CEP112: variants seen among roughly 807,000 people sequenced by gnomAD.
CEP112 encodes centrosomal protein of 112 kDa.
CEP112 carries 127 observed loss-of-function variants against 153.0 expected under a neutral mutation model. The observed-to-expected ratio is 0.83, with a 90% CI of 0.72 to 0.96. CEP112 has a LOEUF of 0.96. Among genes scored for constraint, CEP112 ranks in the 40% least tolerant of loss-of-function variants. CEP112 has a pLI of 0.00. For synonymous variants in CEP112, 358 were observed against 374.4 expected (o/e 0.96, Z 0.51); for missense variants, 1,089 against 1,101.2 (o/e 0.99, Z 0.16).
intron 18 of CEP112, among the ~76,000 whole-genome samples, chr17:65,954,796 C>A (rs1030484879): frequency 2.0e-5 from 3 of 151,906 alleles, no homozygotes; most frequent in Non-Finnish European, 4.4e-5. Context: ...TCAAATTAAC[C>A]CAATCCATCA....
intron 17 of CEP112, among the ~76,000 whole-genome samples, chr17:65,998,288 TG>T (rs1404754322): frequency 3.7e-5 from 5 of 133,758 alleles, no homozygotes; most frequent in Admixed American, 2.6e-4. Context: ...GAAACTGGGG[TG>T]GGAGGATCGC....
At chr17:65,697,536 TA>T (rs1045352182) in intron 23 of CEP112, among the ~76,000 whole-genome samples, 4 of 152,042 alleles carry the variant, frequency 2.6e-5, no homozygotes, top group Non-Finnish European at 4.4e-5. Context: ...TTTACAGACT[TA>T]TTTTTTTTTT....
chr17:65,780,168 T>C (rs571078271), intron 21 of CEP112, among the ~76,000 whole-genome samples: 2 of 152,232 alleles, frequency 1.3e-5, no homozygotes, highest in South Asian at 4.1e-4. Context: ...TCTCTCACTA[T>C]AATTCAGGAC....
intron 17 of CEP112, among the ~76,000 whole-genome samples, chr17:65,991,553 A>G (rs1255571984): frequency 1.3e-5 from 2 of 152,104 alleles, no homozygotes; most frequent in East Asian, 3.8e-4. Flanking sequence ...ATTCTGGTAG[A>G]ATAGTATTTA....
intron 17 of CEP112, among the ~76,000 whole-genome samples, chr17:65,975,146 C>T (rs1454475585): frequency 6.6e-6 from 1 of 152,080 alleles, no homozygotes; most frequent in Non-Finnish European, 1.5e-5. Context: ...CACAAAAGAA[C>T]TCTTAGACTC....
chr17:65,765,305 TG>T (rs1466224355), intron 21 of CEP112, among the ~76,000 whole-genome samples: 1 of 151,480 alleles, frequency 6.6e-6, no homozygotes, highest in Non-Finnish European at 1.5e-5. Flanking sequence ...TTCTTTTCTT[TG>T]GGGTCAGTTA....
chr17:65,818,262 G>A (rs2056370882), intron 21 of CEP112, among the ~76,000 whole-genome samples: 1 of 151,758 alleles, frequency 6.6e-6, no homozygotes, highest in African/African-American at 2.4e-5. Flanking sequence ...CCTCAGGTAG[G>A]CAGCCCTTTA....
chr17:65,905,043 G>A (rs1236841010), intron 19 of CEP112, among the ~76,000 whole-genome samples: 1 of 152,130 alleles, frequency 6.6e-6, no homozygotes, highest in East Asian at 1.9e-4. Flanking sequence ...AGAGGCATGG[G>A]CAAAGACTTC....
intron 6 of CEP112, among the ~76,000 whole-genome samples, chr17:66,101,005 G>C (rs116152398): frequency 6.6e-6 from 1 of 152,078 alleles, no homozygotes; most frequent in Admixed American, 6.6e-5. Context: ...GTTCTGGAAT[G>C]AATCAACTCT....
chr17:65,825,995 A>T, intron 21 of CEP112: 1 of 778,182 alleles, frequency 1.3e-6, no homozygotes, highest in Non-Finnish European at 2.2e-6. Context: ...GTTCAATGTG[A>T]TTGCAGTTTG....
intron 20 of CEP112, among the ~76,000 whole-genome samples, chr17:65,867,995 T>C (rs1038739618): frequency 2.0e-5 from 3 of 151,792 alleles, no homozygotes; most frequent in African/African-American, 7.2e-5. Context: ...ATTTATAACA[T>C]AAAATCGAAG....
At chr17:65,943,781 C>T (rs549853693) in intron 18 of CEP112, among the ~76,000 whole-genome samples, 3 of 152,082 alleles carry the variant, frequency 2.0e-5, no homozygotes, top group Admixed American at 1.3e-4. Context: ...GGTAAGTTCT[C>T]CCGGATGATA....
At chr17:66,039,540 G>T (rs932869826) in intron 12 of CEP112, among the ~76,000 whole-genome samples, 2 of 152,142 alleles carry the variant, frequency 1.3e-5, no homozygotes, top group African/African-American at 2.4e-5. Context: ...CTGGGCAACA[G>T]AGCAAGACTG....
chr17:65,762,315 T>C (rs1046601145), intron 21 of CEP112, among the ~76,000 whole-genome samples: 1 of 152,028 alleles, frequency 6.6e-6, no homozygotes, highest in Non-Finnish European at 1.5e-5. Context: ...TAAACCTATA[T>C]ATGTCTTATA....
chr17:65,730,848 A>T (rs751062250), intron 23 of CEP112, among the ~76,000 whole-genome samples: 1 of 146,984 alleles, frequency 6.8e-6, no homozygotes, highest in African/African-American at 2.5e-5. Flanking sequence ...TGTCTTGTGA[A>T]CTCCAGTCAG....
intron 6 of CEP112, among the ~76,000 whole-genome samples, chr17:66,114,152 GCA>G (rs1292880630): frequency 2.6e-5 from 4 of 152,186 alleles, no homozygotes; most frequent in Non-Finnish European, 5.9e-5. Flanking sequence ...TAACATGTTT[GCA>G]CATTTCTTGC....
At chr17:65,904,822 T>G (rs980267509) in intron 19 of CEP112, among the ~76,000 whole-genome samples, 31 of 152,194 alleles carry the variant, frequency 2.0e-4, no homozygotes, top group Non-Finnish European at 3.2e-4. Context: ...ATCTGATCTT[T>G]GACAAACCTG....
intron 21 of CEP112, among the ~76,000 whole-genome samples, chr17:65,795,357 C>T (rs1419115407): frequency 1.3e-5 from 2 of 152,172 alleles, no homozygotes; most frequent in African/African-American, 2.4e-5. Flanking sequence ...TACAATTCTA[C>T]AGGAGAGGTA....
chr17:65,710,952 C>T (rs2049151750), intron 23 of CEP112, among the ~76,000 whole-genome samples: 1 of 152,162 alleles, frequency 6.6e-6, no homozygotes, highest in Admixed American at 6.5e-5. Context: ...AGACATAAGA[C>T]AAAACACAAA....
Sources: allele counts gnomAD v4.1 joint callset (sites outside exome capture counted in the v4.1 genomes callset), GRCh38; gene constraint gnomAD v4.1.1; transcripts MANE v1.5; gene names NCBI Gene and HGNC (gene_info 2026-07-23, HGNC 2026-07-21).